The following CNOT3 variants were observed in gnomAD, a reference collection of about 807,000 sequenced individuals.
CNOT3 encodes CCR4-NOT transcription complex subunit 3.
In CNOT3, 2 loss-of-function variants were observed where a neutral mutation model predicts 89.4. The ratio of observed to expected loss-of-function variants is 0.02; its 90% CI spans 0.01 to 0.07. The LOEUF is 0.07. CNOT3 is among the 10% of genes least tolerant of loss of function. The pLI is 1.00. For synonymous variants in CNOT3, 486 were observed against 402.0 expected (o/e 1.21, Z -2.50); for missense variants, 664 against 1,010.2 (o/e 0.66, Z 4.65).
intron 5 of CNOT3, 38 bp downstream of exon 5, chr19:54,143,787 G>T: frequency 6.3e-7 from 1 of 1,593,024 alleles, no homozygotes; most frequent in East Asian, 2.2e-5. Context: ...GAGGTGGGAA[G>T]GTCACCAGAT....
chr19:54,147,339 TGAG>T (rs1415155899), intron 10 of CNOT3, among the ~76,000 whole-genome samples: 8 of 152,052 alleles, frequency 5.3e-5, no homozygotes, highest in African/African-American at 1.5e-4. Flanking sequence ...GAGTGGGCAT[TGAG>T]GAGGCTGGTG....
At chr19:54,141,165 G>C (rs1023979990) in intron 1 of CNOT3, among the ~76,000 whole-genome samples, 5 of 152,162 alleles carry the variant, frequency 3.3e-5, no homozygotes, top group African/African-American at 1.2e-4. Flanking sequence ...GGTCAAAGAG[G>C]CTTTCCCCTC....
intron 17 of CNOT3, chr19:54,154,921 G>A (rs750234330): frequency 3.4e-5 from 7 of 203,330 alleles, no homozygotes; most frequent in Non-Finnish European, 4.9e-5. Flanking sequence ...TCTAGAACAA[G>A]GGTGACAGTA....
chr19:54,149,608 A>AGGCTCAGGGAAC lies in CNOT3; in HGVS notation c.1456_1467dup (p.Gly486_Asn489dup). On this transcript the variant is annotated inframe_insertion, in exon 13 of 18. Coordinates refer to ENST00000221232, the MANE Select transcript of CNOT3 (RefSeq NM_014516.4). Reference sequence around the variant, plus strand: ...CAACGGGGGCTGGGGGCGTGGCCCCAGGCTCAGGGAACAACTCAGGGGGAC... The same window carrying AGGCTCAGGGAAC: ...CAACGGGGGCTGGGGGCGTGGCCCCAGGCTCAGGGAACGGCTCAGGGAACAACTCAGGGGGAC... 6.2e-7 allele frequency: 1 copy of AGGCTCAGGGAAC among 1,611,714 alleles called. No homozygotes were observed. Among genetic ancestry groups the AGGCTCAGGGAAC allele is most frequent in the South Asian group, 1.1e-5 (1 of 90,802 alleles).
chr19:54,153,526 C>G (rs148637646), intron 16 of CNOT3, 189 bp from the exon 17 acceptor site: 1 of 778,926 alleles, frequency 1.3e-6, no homozygotes, highest in Non-Finnish European at 2.4e-6. Flanking sequence ...CACCTCCTGT[C>G]TCATTTTCCT....
chr19:54,138,791 C>G (rs1169732492), intron 1 of CNOT3, among the ~76,000 whole-genome samples: 4 of 152,240 alleles, frequency 2.6e-5, no homozygotes, highest in East Asian at 3.8e-4. Context: ...CTCGCCATCC[C>G]GCTGCACTGG....
rs1286407636 is a variant in CNOT3 at position 54,155,100 on chromosome 19, C to A, written c.2164-209C>A. ...GCTTCGGTGGAACCTCTGCGGCCCC[C>A]TCCGTTTCCTCCTCGCTGAAGTGGC... On this transcript the variant is annotated intron_variant, in intron 17 of 17. Transcript: ENST00000221232. 5 of 604,204 alleles carry A rather than the reference C, an allele frequency of 8.3e-6. No individual in the cohort carries two copies. The African/African-American group carries it at 9.5e-5, about 11-fold the overall frequency. 37.4% of individuals were successfully genotyped at this position (604,204 alleles called of 1,614,324 possible).
chr19:54,139,838 G>A (rs1380305289), intron 1 of CNOT3, among the ~76,000 whole-genome samples: 10 of 151,948 alleles, frequency 6.6e-5, no homozygotes, highest in Non-Finnish European at 2.9e-5. Context: ...GGAGATTCCA[G>A]CCCCCCACCC....
intron 1 of CNOT3, among the ~76,000 whole-genome samples, chr19:54,138,212 C>T (rs1332629058): frequency 5.3e-5 from 8 of 152,052 alleles, no homozygotes; most frequent in Admixed American, 3.3e-4. Context: ...TTTCACGTTC[C>T]TCAGCGCCTC....
At chr19:54,152,660 A>G in intron 15 of CNOT3, 34 bp downstream of exon 15, 1 of 1,554,386 alleles carries the variant, frequency 6.4e-7, no homozygotes, top group Non-Finnish European at 8.9e-7. Flanking sequence ...ATGGTCTGGG[A>G]CTTGAGTCTT....
rs774424359 is a variant in CNOT3, at chr19:54,148,459, C to T, written c.1206C>T (p.Gly402=). ...AGCCTAGCGGAGGCGGAGGCGGCGG[C>T]AGCGGAGGCGGAGGGAGCAGCAGCA... ...SVQPSGGGGG[G]SGGGGSSSSS... is the part of the protein sequence containing the mutation. Residue 402 remains glycine (G), a synonymous_variant, in exon 11 of 18, where the codon GGC becomes GGT. Transcript: ENST00000221232. This position sits in a 1 kb window ranked among gnomAD's most constrained non-coding sequence, Gnocchi z 6.3. 14 of 1,564,346 alleles carry T rather than the reference C, an allele frequency of 8.9e-6. No individual in the cohort carries two copies. The highest frequency in any genetic ancestry group is 1.0e-5 in the Non-Finnish European group (12 of 1,152,688).
chr19:54,141,849 T>A (rs968918320), intron 1 of CNOT3: 13 of 152,166 alleles, frequency 8.5e-5, no homozygotes, highest in African/African-American at 2.7e-4. Flanking sequence ...CAATCTCCGC[T>A]GGTATCTCAG....
At position 54,148,867 on chromosome 19, in the gene CNOT3, G is replaced by A. The variant is rs73936621; in HGVS notation, c.1406+124G>A. ...CCCTTGCTGCTGGGAATGGCCAAGCGCTATCCTCCATCTCCCTCGGGTGTT... is the reference window on the plus strand; with the variant it reads ...CCCTTGCTGCTGGGAATGGCCAAGCACTATCCTCCATCTCCCTCGGGTGTT... On this transcript the variant is annotated intron_variant, in intron 12 of 17. Coordinates refer to ENST00000221232, the MANE Select transcript of CNOT3 (RefSeq NM_014516.4). This position sits in a 1 kb window ranked among gnomAD's most constrained non-coding sequence, Gnocchi z 6.3. 355 of 802,912 alleles carry A rather than the reference G, an allele frequency of 4.4e-4. 2 individuals are homozygous for A. Among genetic ancestry groups the A allele is most frequent in the African/African-American group, 4.3e-3 (249 of 57,510 alleles). 49.7% of individuals were successfully genotyped at this position (802,912 alleles called of 1,614,324 possible). A position where few individuals can be genotyped will look rare whatever the true frequency, so the allele number is the denominator to read the frequency against.
At chr19:54,140,624 C>G (rs1232008280) in intron 1 of CNOT3, among the ~76,000 whole-genome samples, 1 of 152,100 alleles carries the variant, frequency 6.6e-6, no homozygotes, top group Non-Finnish European at 1.5e-5. Context: ...AGGCTCCAGC[C>G]TCTCTAGGGG....
At chr19:54,154,330 A>C in intron 17 of CNOT3, 1 of 283,344 alleles carries the variant, frequency 3.5e-6, no homozygotes, top group Non-Finnish European at 7.1e-6. Flanking sequence ...GCTTGCAAAC[A>C]CTCTGGAACC....
intron 16 of CNOT3, 103 bp from the exon 17 acceptor site, chr19:54,153,612 G>C (rs2075263824): frequency 1.2e-6 from 1 of 869,294 alleles, no homozygotes; most frequent in African/African-American, 1.6e-5. Flanking sequence ...ACTGTGGTCT[G>C]TGGCGGGGGC....
chr19:54,139,033 T>C (rs1380110747), intron 1 of CNOT3, among the ~76,000 whole-genome samples: 1 of 152,114 alleles, frequency 6.6e-6, no homozygotes, highest in Non-Finnish European at 1.5e-5. Flanking sequence ...TGGGATCCCC[T>C]GGCGCTCAGG....
At position 54,145,996 on chromosome 19, in the gene CNOT3, A is replaced by G; in HGVS notation, c.790A>G (p.Thr264Ala). 4 of 1,613,440 alleles carry G rather than the reference A, an allele frequency of 2.5e-6. No individual in the cohort carries two copies. The highest frequency in any genetic ancestry group is 3.4e-6 in the Non-Finnish European group (4 of 1,179,636). ...CCAGTCCAGCAGCACGCCCACCTCA[A>G]CCACCTCCAGCTCTCCCATCCCGCC... ...FNQSSSTPTS[T>A]TSSSPIPPSP... is the part of the protein sequence containing the mutation. The change falls in exon 9 of 18, where the codon ACC becomes GCC. Residue 264 changes from threonine to alanine, a missense_variant. By Grantham distance (58) the Thr-to-Ala change is moderately conservative. Around this residue, in one of 8 missense-constraint regions of CNOT3, gnomAD observed 545 missense variants for 566.2 expected, o/e 0.96. Transcript: ENST00000221232. The surrounding 1 kb of genome is among the most constrained non-coding windows in gnomAD (Gnocchi z 5.9).
At position 54,149,569 on chromosome 19, in the gene CNOT3, C is replaced by T. The variant is rs2074934501; in HGVS notation, c.1416C>T (p.Pro472=). The T allele has an allele frequency of 5.0e-6, 8 of 1,588,600 alleles. No individual in the cohort carries two copies. Among genetic ancestry groups the T allele is most frequent in the Non-Finnish European group, 6.9e-6 (8 of 1,165,970 alleles). The change falls in exon 13 of 18, where the codon CCC becomes CCT. Residue 472 remains proline (P), a synonymous_variant. Transcript: ENST00000221232. The stretch of plus-strand genomic sequence containing the variant: ...CATGCTCTCTCTCCAGGAAGGAACC[C>T]AGTGCGGCAGCCCCAACGGGGGCTG... ...HNPPPSTSKE[P]SAAAPTGAGG...
Sources: allele counts gnomAD v4.1 joint callset (sites outside exome capture counted in the v4.1 genomes callset), GRCh38; gene constraint gnomAD v4.1.1; regional missense constraint gnomAD v4.1.1; non-coding constraint Gnocchi (gnomAD v3.1); transcripts MANE v1.5; gene names NCBI Gene and HGNC (gene_info 2026-07-23, HGNC 2026-07-21).